Variants in AXIN1 observed in about 807,000 individuals in gnomAD.
AXIN1 encodes the protein axin-1.
Under a neutral mutation model 76.4 loss-of-function variants are expected in AXIN1, and 30 were observed. The observed-to-expected ratio is 0.39, with a 90% CI of 0.29 to 0.53. The LOEUF is 0.53. Ranked by LOEUF, AXIN1 falls within the 20% of genes least tolerant of loss-of-function variation. The pLI is 0.66. For synonymous variants in AXIN1, 545 were observed against 501.4 expected, an observed-to-expected ratio of 1.09 and a Z score of -1.16; for missense variants, 1,140 against 1,198.8, an observed-to-expected ratio of 0.95 and a Z score of 0.72.
chr16:287,450 A>AAAC lies in AXIN1; in HGVS notation c.*669_*671dup. On this transcript the variant is annotated 3_prime_UTR_variant, in exon 11 of 11. Transcript: ENST00000262320. ...CACACCACAGCCAGGGCAGGTTCAA[A>AAAC]AACAGTTTTATTTCATTATTATCCA... 2.3e-6 allele frequency: 1 copy of AAAC among 443,122 alleles called. No homozygotes were observed. The highest frequency in any genetic ancestry group is 3.6e-5 in the East Asian group (1 of 27,882). 27.4% of individuals were successfully genotyped at this position (443,122 alleles called of 1,614,324 possible).
At chr16:305,688 C>T (rs770151761) in intron 4 of AXIN1, among the ~76,000 whole-genome samples, 94 of 152,064 alleles carry the variant, frequency 6.2e-4, no homozygotes, top group Non-Finnish European at 1.2e-3. Flanking sequence ...GGACTACAGG[C>T]GCCTGCCACC....
intron 2 of AXIN1, among the ~76,000 whole-genome samples, chr16:324,031 G>A (rs972774201): frequency 6.6e-6 from 1 of 152,138 alleles, no homozygotes; most frequent in African/African-American, 2.4e-5. Flanking sequence ...TCCATGGGAA[G>A]CCCCGTAGCC....
intron 3 of AXIN1, among the ~76,000 whole-genome samples, chr16:310,742 C>T (rs1041283203): frequency 1.3e-5 from 2 of 152,220 alleles, no homozygotes; most frequent in Non-Finnish European, 2.9e-5. Flanking sequence ...GAATCTGTGA[C>T]AGGGACTGCA....
intron 3 of AXIN1, among the ~76,000 whole-genome samples, chr16:310,449 T>C (rs1348480174): frequency 1.3e-5 from 2 of 152,034 alleles, no homozygotes; most frequent in Non-Finnish European, 2.9e-5. Flanking sequence ...CAGGCTGGAG[T>C]GCAGTGGCAC....
chr16:338,064 G>A (rs1363431977), intron 2 of AXIN1, among the ~76,000 whole-genome samples: 4 of 152,182 alleles, frequency 2.6e-5, no homozygotes, highest in Non-Finnish European at 5.9e-5. Context: ...GCAGCGGAGG[G>A]GCCCAAGAAA....
rs942961442 is a variant in AXIN1 at position 349,862 on chromosome 16, G to A, written c.-82+2507C>T. Reference sequence around the variant, plus strand: ...CGCCTAGGCTGGACTGCAGTGGGGCGATCTCAGCTCACTGCAGCCTCAGCT... The same window carrying A: ...CGCCTAGGCTGGACTGCAGTGGGGCAATCTCAGCTCACTGCAGCCTCAGCT... On this transcript the variant is annotated intron_variant, in intron 1 of 10. Coordinates refer to ENST00000262320, the MANE Select transcript of AXIN1 (RefSeq NM_003502.4). Among the ~76,000 whole-genome samples, 8 of 152,270 alleles carry A rather than the reference G, an allele frequency of 5.3e-5. No homozygotes were observed. The East Asian group carries it at 1.3e-3, about 26-fold the overall frequency.
At position 293,382 on chromosome 16, in the gene AXIN1, G is replaced by A; in HGVS notation, c.2186+106C>T. 1 of 1,153,640 alleles carries A rather than the reference G, an allele frequency of 8.7e-7. No individual in the cohort carries two copies. Among genetic ancestry groups the A allele is most frequent in the Non-Finnish European group, 1.2e-6 (1 of 805,002 alleles). The allele number at this position is 1,153,640 out of a possible 1,614,324, so 71.5% of individuals were successfully genotyped here. On this transcript the variant is annotated intron_variant, in intron 8 of 10. Coordinates refer to ENST00000262320, the MANE Select transcript of AXIN1 (RefSeq NM_003502.4). The surrounding 1 kb of genome is among the most constrained non-coding windows in gnomAD (Gnocchi z 4.6). ...GCCCAGTATGGCTGGGGGACACCCA[G>A]AGGGCCGTTTTTCCCCTGAAGACCT...
intron 2 of AXIN1, among the ~76,000 whole-genome samples, chr16:318,973 G>A (rs2053375829): frequency 2.6e-5 from 4 of 151,632 alleles, no homozygotes; most frequent in South Asian, 2.1e-4. Context: ...TGGTGAGAGC[G>A]GCTCTGGCTG....
At chr16:351,794 G>A (rs1216680016) in intron 1 of AXIN1, among the ~76,000 whole-genome samples, 2 of 152,010 alleles carry the variant, frequency 1.3e-5, no homozygotes, top group African/African-American at 2.4e-5. Flanking sequence ...AATCCCCAGA[G>A]AACTGACATG....
Position 314,699 on chromosome 16 carries a change from CAG to C in AXIN1, c.879-18_879-17del. 6.2e-7 allele frequency: 1 copy of C among 1,613,030 alleles called. No homozygotes were observed. The highest frequency in any genetic ancestry group is 8.5e-7 in the Non-Finnish European group (1 of 1,180,004). ...GGATCCATACCTGCAAACAGGCAAG[CAG>C]GGCATGTTAGTGACAGCCTGCCAAC... On this transcript the variant is annotated splice_polypyrimidine_tract_variant and intron_variant, in intron 2 of 10. Transcript: ENST00000262320.
chr16:338,149 TAC>T (rs2053844688), intron 2 of AXIN1, among the ~76,000 whole-genome samples: 1 of 152,122 alleles, frequency 6.6e-6, no homozygotes, highest in Non-Finnish European at 1.5e-5. Context: ...AACTGCAGGG[TAC>T]GCTGCTACAA....
chr16:304,241 T>C (rs2141544105), intron 5 of AXIN1, 63 bp downstream of exon 5: 2 of 1,598,972 alleles, frequency 1.3e-6, no homozygotes, highest in Non-Finnish European at 1.7e-6. Context: ...CATCAGGACA[T>C]CCCGGCGGCA....
At chr16:312,520 T>C (rs946553405) in intron 3 of AXIN1, among the ~76,000 whole-genome samples, 18 of 152,188 alleles carry the variant, frequency 1.2e-4, no homozygotes, top group African/African-American at 4.3e-4. Context: ...AACCAGATGC[T>C]AGGATGCATG....
chr16:306,367 C>A (rs1016927567), intron 4 of AXIN1, among the ~76,000 whole-genome samples: 1 of 152,170 alleles, frequency 6.6e-6, no homozygotes, highest in Non-Finnish European at 1.5e-5. Flanking sequence ...CATAGCAAAA[C>A]ATGTTTTAAA....
intron 4 of AXIN1, among the ~76,000 whole-genome samples, chr16:304,731 C>T (rs575240956): frequency 5.3e-5 from 8 of 152,210 alleles, no homozygotes; most frequent in African/African-American, 1.4e-4. Flanking sequence ...GATGGGGTTT[C>T]GTCATGTTGG....
intron 2 of AXIN1, among the ~76,000 whole-genome samples, chr16:315,832 GAAAAAAAAAA>G (rs922939817): frequency 4.1e-5 from 3 of 72,668 alleles, no homozygotes; most frequent in Non-Finnish European, 5.6e-5. Context: ...TGTCTCAAAA[GAAAAAAAAAA>G]AAAAAAAAAA....
At chr16:343,244 T>C (rs2053964619) in intron 2 of AXIN1, among the ~76,000 whole-genome samples, 1 of 152,200 alleles carries the variant, frequency 6.6e-6, no homozygotes, top group Non-Finnish European at 1.5e-5. Context: ...CAAAGGTTCC[T>C]TATTACAAAT....
chr16:319,429 C>A (rs1160136929), intron 2 of AXIN1, among the ~76,000 whole-genome samples: 1 of 152,216 alleles, frequency 6.6e-6, no homozygotes, highest in Non-Finnish European at 1.5e-5. Context: ...TGAGGAGGCG[C>A]TGATGGCAGA....
chr16:296,132 CCT>C (rs1001598815), intron 7 of AXIN1, among the ~76,000 whole-genome samples: 36 of 152,338 alleles, frequency 2.4e-4, no homozygotes, highest in East Asian at 1.2e-3. Context: ...GCTGTGCACC[CCT>C]GTTCCCTCGG....
Sources: gnomAD v4.1 joint callset for allele counts (sites outside exome capture counted in the v4.1 genomes callset) on GRCh38, gnomAD v4.1.1 for gene constraint, Gnocchi (gnomAD v3.1) non-coding constraint, MANE v1.5 for transcripts, NCBI Gene and HGNC (gene_info 2026-07-23, HGNC 2026-07-21) for gene names.